CCDC91: variants seen among roughly 807,000 people sequenced by gnomAD.
CCDC91 encodes coiled-coil domain containing 91.
CCDC91 carries 48 observed loss-of-function variants against 63.2 expected under a neutral mutation model. The observed-to-expected ratio is 0.76, with a 90% confidence interval of 0.60 to 0.97. CCDC91 has a LOEUF of 0.97. Among genes scored for constraint, CCDC91 ranks in the 50% least tolerant of loss-of-function variants. The probability of loss-of-function intolerance (pLI) is 0.00; values close to 1 mark genes in which losing one functional copy is unlikely to be tolerated. For missense variants in CCDC91, 500 were observed against 494.6 expected (o/e 1.01, Z -0.10); for synonymous variants, 167 against 165.8 (o/e 1.01, Z -0.06).
intron 8 of CCDC91, chr12:28,412,713 C>T (rs1304920539): frequency 2.2e-6 from 1 of 452,810 alleles, no homozygotes; most frequent in Non-Finnish European, 4.4e-6. Flanking sequence ...AGCTTTTATC[C>T]CCTTATTGTC....
At chr12:28,239,315 G>A (rs1274263945) in intron 1 of CCDC91, among the ~76,000 whole-genome samples, 1 of 151,752 alleles carries the variant, frequency 6.6e-6, no homozygotes, top group East Asian at 1.9e-4. Flanking sequence ...AGTTGGAGAG[G>A]GTATTTGAGG....
At chr12:28,469,900 A>G (rs1401908296) in intron 11 of CCDC91, among the ~76,000 whole-genome samples, 1 of 152,112 alleles carries the variant, frequency 6.6e-6, no homozygotes, top group Admixed American at 6.6e-5. Flanking sequence ...GAAGAAGTAA[A>G]CTAGACCCCC....
At chr12:28,389,507 A>G (rs1592521489) in intron 7 of CCDC91, among the ~76,000 whole-genome samples, 1 of 152,138 alleles carries the variant, frequency 6.6e-6, no homozygotes, top group African/African-American at 2.4e-5. Context: ...GAATGAGTAT[A>G]TAGTGTACAA....
chr12:28,211,137 T>C (rs1237556209), intron 1 of CCDC91, among the ~76,000 whole-genome samples: 1 of 150,108 alleles, frequency 6.7e-6, no homozygotes, highest in Non-Finnish European at 1.5e-5. Flanking sequence ...AGAATTCTTT[T>C]TTGTGTTAAT....
intron 12 of CCDC91, among the ~76,000 whole-genome samples, chr12:28,484,455 A>T (rs1951613990): frequency 6.6e-6 from 1 of 152,124 alleles, no homozygotes; most frequent in Non-Finnish European, 1.5e-5. Context: ...ACAGTTCTAC[A>T]TTTTTAGTCT....
At chr12:28,469,801 C>T (rs956333365) in intron 11 of CCDC91, among the ~76,000 whole-genome samples, 3 of 152,008 alleles carry the variant, frequency 2.0e-5, no homozygotes, top group Non-Finnish European at 4.4e-5. Flanking sequence ...ACAGTGAACT[C>T]ATTTTTGACA....
At chr12:28,355,680 T>C (rs1327172849) in intron 6 of CCDC91, among the ~76,000 whole-genome samples, 1 of 152,188 alleles carries the variant, frequency 6.6e-6, no homozygotes, top group African/African-American at 2.4e-5. Context: ...CTTCTGTGCT[T>C]GTATGAGTAG....
At chr12:28,472,903 A>G (rs1320271399) in intron 11 of CCDC91, among the ~76,000 whole-genome samples, 3 of 152,156 alleles carry the variant, frequency 2.0e-5, no homozygotes, top group Non-Finnish European at 4.4e-5. Context: ...AACTTCTGGA[A>G]CTGTAGTTTG....
intron 8 of CCDC91, among the ~76,000 whole-genome samples, chr12:28,421,302 G>T (rs921094371): frequency 6.6e-6 from 1 of 151,970 alleles, no homozygotes; most frequent in Non-Finnish European, 1.5e-5. Flanking sequence ...AGATTATTTT[G>T]CACCCAGGTA....
chr12:28,425,633 TTTA>T (rs1948271765), intron 8 of CCDC91, among the ~76,000 whole-genome samples: 1 of 152,202 alleles, frequency 6.6e-6, no homozygotes, highest in African/African-American at 2.4e-5. Context: ...TTCATTTTGG[TTTA>T]TTATTACCTA....
chr12:28,200,248 T>C (rs1373461200), intron 1 of CCDC91, among the ~76,000 whole-genome samples: 2 of 151,618 alleles, frequency 1.3e-5, no homozygotes, highest in African/African-American at 4.8e-5. Flanking sequence ...ATTTTTTTTT[T>C]TTTTTGAGTG....
At chr12:28,371,438 T>A (rs11049558) in intron 7 of CCDC91, among the ~76,000 whole-genome samples, 30,779 of 152,192 alleles carry the variant, frequency 0.2, 4,085 homozygotes, top group Non-Finnish European at 0.3. Flanking sequence ...GCGGAAAAAT[T>A]GTCTTCCATG....
intron 12 of CCDC91, among the ~76,000 whole-genome samples, chr12:28,484,906 T>C (rs1239486848): frequency 1.3e-5 from 2 of 150,506 alleles, no homozygotes; most frequent in East Asian, 1.9e-4. Flanking sequence ...TTTATATGTT[T>C]AGTATATGTT....
intron 2 of CCDC91, among the ~76,000 whole-genome samples, chr12:28,258,375 C>G (rs1465229920): frequency 1.3e-5 from 2 of 151,836 alleles, no homozygotes; most frequent in Non-Finnish European, 2.9e-5. Flanking sequence ...GCATAGTCTT[C>G]TTTATTTAAA....
chr12:28,527,612 C>G (rs1286032328), intron 12 of CCDC91, among the ~76,000 whole-genome samples: 2 of 137,654 alleles, frequency 1.5e-5, no homozygotes, highest in Non-Finnish European at 3.3e-5. Flanking sequence ...AGAGCATCAG[C>G]TATGGGAGTA....
intron 12 of CCDC91, among the ~76,000 whole-genome samples, chr12:28,534,396 A>G (rs1302672757): frequency 6.6e-6 from 1 of 152,148 alleles, no homozygotes; most frequent in East Asian, 1.9e-4. Flanking sequence ...GGCTTTTCCA[A>G]TATAAGGAAC....
intron 12 of CCDC91, among the ~76,000 whole-genome samples, chr12:28,498,236 A>G (rs1952416360): frequency 1.3e-5 from 2 of 151,632 alleles, no homozygotes; most frequent in Admixed American, 6.6e-5. Context: ...GGTTATTGAA[A>G]ATAGCATACA....
At chr12:28,253,257 T>C (rs1338466538) in intron 1 of CCDC91, among the ~76,000 whole-genome samples, 1 of 152,182 alleles carries the variant, frequency 6.6e-6, no homozygotes, top group Non-Finnish European at 1.5e-5. Flanking sequence ...ACTAGAGGTT[T>C]CAGCCCAGCC....
intron 11 of CCDC91, among the ~76,000 whole-genome samples, chr12:28,482,122 A>AATATTC (rs1459553050): frequency 6.6e-6 from 1 of 151,964 alleles, no homozygotes; most frequent in Non-Finnish European, 1.5e-5. Context: ...ATATAATGTG[A>AATATTC]ATATTCATAT....
Sources: gnomAD v4.1 joint callset for allele counts (sites outside exome capture counted in the v4.1 genomes callset) on GRCh38, gnomAD v4.1.1 for gene constraint, MANE v1.5 for transcripts, NCBI Gene and HGNC (gene_info 2026-07-23, HGNC 2026-07-21) for gene names.